Variants in DIP2C observed in about 807,000 individuals in gnomAD.
DIP2C encodes the protein DIP2 acetate--CoA ligase C (putative).
A neutral mutation model predicts 192.4 loss-of-function variants in DIP2C; 33 were observed. That is an observed-to-expected ratio of 0.17 (90% CI 0.13 to 0.23). The LOEUF is 0.23. Ranked by LOEUF, DIP2C falls within the 10% of genes least tolerant of loss-of-function variation. The pLI, the probability that DIP2C is intolerant of heterozygous loss-of-function variation, is 1.00. For synonymous variants in DIP2C, 979 were observed against 864.1 expected (o/e 1.13, Z -2.33); for missense variants, 1,537 against 2,110.1 (o/e 0.73, Z 5.32).
chr10:364,337 C>T lies in DIP2C; in HGVS notation c.2477+37G>A, dbSNP rs368587813. ...AAACCACATAAAAAATATGGCCGACCGGAAACCATATGCTTGATTTGCAGA... is the reference window on the plus strand; with the variant it reads ...AAACCACATAAAAAATATGGCCGACTGGAAACCATATGCTTGATTTGCAGA... On this transcript the variant is annotated intron_variant, in intron 20 of 36. Coordinates refer to ENST00000280886, the MANE Select transcript of DIP2C (RefSeq NM_014974.3). The T allele has an allele frequency of 1.8e-4, 285 of 1,585,468 alleles. 1 individual carries two copies. Among genetic ancestry groups the T allele is most frequent in the South Asian group, 2.4e-4 (21 of 89,354 alleles).
intron 1 of DIP2C, among the ~76,000 whole-genome samples, chr10:608,006 G>A (rs1852623359): frequency 6.6e-6 from 1 of 151,568 alleles, no homozygotes; most frequent in South Asian, 2.1e-4. Flanking sequence ...GGAGTCCGCA[G>A]GTGCGGTCAA....
intron 1 of DIP2C, among the ~76,000 whole-genome samples, chr10:494,742 T>C (rs12573636): frequency 0.037 from 5,586 of 152,256 alleles, 194 homozygotes; most frequent in African/African-American, 0.091. Flanking sequence ...AATTCTGCAG[T>C]GTTGGCAAAG....
At chr10:355,523 A>C (rs1489141714) in intron 24 of DIP2C, among the ~76,000 whole-genome samples, 10 of 152,242 alleles carry the variant, frequency 6.6e-5, no homozygotes, top group Admixed American at 5.2e-4. Flanking sequence ...CTTGTCAAGA[A>C]GACTTACATT....
At chr10:385,656 G>A (rs1418958778) in intron 14 of DIP2C, among the ~76,000 whole-genome samples, 1 of 152,158 alleles carries the variant, frequency 6.6e-6, no homozygotes, top group African/African-American at 2.4e-5. Context: ...GTACCTGCAC[G>A]CTGCTGCACA....
At chr10:410,823 A>T (rs1965135308) in intron 8 of DIP2C, among the ~76,000 whole-genome samples, 1 of 152,234 alleles carries the variant, frequency 6.6e-6, no homozygotes, top group Non-Finnish European at 1.5e-5. Context: ...TTCTTGAAAT[A>T]TATTTGGTAT....
intron 1 of DIP2C, among the ~76,000 whole-genome samples, chr10:580,110 G>A (rs935788225): frequency 2.0e-5 from 3 of 152,118 alleles, no homozygotes; most frequent in African/African-American, 7.2e-5. Context: ...TATGTACATA[G>A]GTATAACATC....
chr10:387,628 T>C (rs570210626), intron 14 of DIP2C, 117 bp downstream of exon 14: 1 of 564,276 alleles, frequency 1.8e-6, no homozygotes, highest in East Asian at 4.7e-5. Flanking sequence ...ACAGACAGTG[T>C]GGGGAGGGGA....
Position 578,625 on chromosome 10 carries a change from G to A in DIP2C, c.86-92095C>T, listed in dbSNP as rs570952310. On this transcript the variant is annotated intron_variant, in intron 1 of 36. Transcript: ENST00000280886. ...CAACTGTTTTCATCCTATACTCTCC[G>A]GTGCTAACGAGATGGTGTGTTCCGG... Among the ~76,000 whole-genome samples, 11 of 152,224 alleles carry A rather than the reference G, an allele frequency of 7.2e-5. No individual in the cohort carries two copies. In the East Asian group the frequency reaches 1.4e-3, roughly 19 times the overall value.
chr10:502,133 C>A (rs1343140811), intron 1 of DIP2C, among the ~76,000 whole-genome samples: 1 of 152,132 alleles, frequency 6.6e-6, no homozygotes, highest in East Asian at 1.9e-4. Context: ...GTGATAGTGA[C>A]CCTGTCTCAA....
chr10:336,192 GACGCC>G (rs1957760395), intron 29 of DIP2C, among the ~76,000 whole-genome samples: 2 of 152,206 alleles, frequency 1.3e-5, no homozygotes, highest in African/African-American at 4.8e-5. Flanking sequence ...AACATGGCAA[GACGCC>G]ATCTCTAAAA....
chr10:580,187 AGTG>A (rs1264194612), intron 1 of DIP2C, among the ~76,000 whole-genome samples: 1 of 151,978 alleles, frequency 6.6e-6, no homozygotes, highest in Admixed American at 6.6e-5. Flanking sequence ...ACACATGCGT[AGTG>A]TATACATATG....
chr10:478,869 C>T (rs1279850101), intron 2 of DIP2C, among the ~76,000 whole-genome samples: 1 of 152,132 alleles, frequency 6.6e-6, no homozygotes, highest in Non-Finnish European at 1.5e-5. Context: ...TATGGCTCAC[C>T]TTAGCTCCCA....
intron 1 of DIP2C, among the ~76,000 whole-genome samples, chr10:591,642 C>A (rs936726131): frequency 7.4e-4 from 113 of 152,210 alleles, no homozygotes; most frequent in African/African-American, 2.4e-3. Flanking sequence ...TGGCTAAATA[C>A]AACTTCCCTT....
chr10:422,436 C>T (rs977994329), intron 5 of DIP2C, among the ~76,000 whole-genome samples: 3 of 152,184 alleles, frequency 2.0e-5, no homozygotes, highest in African/African-American at 7.2e-5. Flanking sequence ...ACACCTGTGG[C>T]AGACAGCAGC....
At chr10:293,998 C>T (rs911811712) in intron 32 of DIP2C, among the ~76,000 whole-genome samples, 2 of 152,166 alleles carry the variant, frequency 1.3e-5, no homozygotes, top group Non-Finnish European at 2.9e-5. Context: ...CTAACCTAAC[C>T]GCATTGCACA....
chr10:436,411 TGG>T (rs977845552), intron 4 of DIP2C, among the ~76,000 whole-genome samples: 1 of 152,188 alleles, frequency 6.6e-6, no homozygotes, highest in African/African-American at 2.4e-5. Context: ...TGTGGATGGG[TGG>T]AGAGCTCCAG....
intron 31 of DIP2C, among the ~76,000 whole-genome samples, chr10:317,791 T>C (rs1167796933): frequency 1.3e-5 from 2 of 152,224 alleles, no homozygotes; most frequent in Non-Finnish European, 2.9e-5. Flanking sequence ...AACATGATTA[T>C]CTGTTCAGTG....
chr10:375,698 A>G (rs1961484725), intron 17 of DIP2C, among the ~76,000 whole-genome samples: 2 of 152,128 alleles, frequency 1.3e-5, no homozygotes, highest in African/African-American at 4.8e-5. Context: ...TCCTGACCAC[A>G]AGCAGAGCCA....
chr10:533,269 T>C (rs775038688), intron 1 of DIP2C, among the ~76,000 whole-genome samples: 1 of 151,990 alleles, frequency 6.6e-6, no homozygotes, highest in Non-Finnish European at 1.5e-5. Context: ...GTTAGAATCA[T>C]CACCACCAAC....
Sources: gnomAD v4.1 joint callset for allele counts (sites outside exome capture counted in the v4.1 genomes callset) on GRCh38, gnomAD v4.1.1 for gene constraint, MANE v1.5 for transcripts, NCBI Gene and HGNC (gene_info 2026-07-23, HGNC 2026-07-21) for gene names.